Variants in TOP1MT observed in about 807,000 individuals in gnomAD.
TOP1MT encodes the protein DNA topoisomerase I, mitochondrial.
A neutral mutation model predicts 73.9 loss-of-function variants in TOP1MT; 80 were observed. The observed-to-expected ratio is 1.08, with a 90% confidence interval of 0.90 to 1.30. TOP1MT has a LOEUF of 1.30. TOP1MT is among the 50% of genes most tolerant of loss of function. The pLI is 0.00. For missense variants in TOP1MT, 815 were observed against 808.0 expected (o/e 1.01, Z -0.10); for synonymous variants, 338 against 326.4 (o/e 1.04, Z -0.38).
Position 143,334,832 on chromosome 8 carries a change from C to G in TOP1MT, c.30G>C (p.Arg10=), listed in dbSNP as rs769293328. 6.6e-7 allele frequency: 1 copy of G among 1,522,444 alleles called. No homozygotes were observed. The highest frequency in any genetic ancestry group is 2.0e-5 in the Admixed American group (1 of 48,944). 94.3% of individuals were successfully genotyped at this position (1,522,444 alleles called of 1,614,324 possible). Residue 10 remains arginine, a synonymous_variant, in exon 1 of 14, where the codon CGG becomes CGC. Coordinates refer to ENST00000329245, the MANE Select transcript of TOP1MT (RefSeq NM_052963.3). MRVVRLLRL[R]AALTLLGEVP... ...CCTCCCCGAGCAGCGTCAGAGCCGC[C>G]CGGAGCCGCAGCAGCCGCACCACGC...
chr8:143,349,086 C>A (rs1586785082), upstream of TOP1MT, among the ~76,000 whole-genome samples: 3 of 152,168 alleles, frequency 2.0e-5, 1 homozygote, highest in South Asian at 6.2e-4. Flanking sequence ...TTCTCAGCTC[C>A]TCACCACAAA....
chr8:143,310,021 G>GC (rs1815963709), intron 13 of TOP1MT, 47 bp downstream of exon 13: 1 of 1,602,332 alleles, frequency 6.2e-7, no homozygotes, highest in Non-Finnish European at 8.5e-7. Context: ...GAAAACCCAG[G>GC]CCCCCCATAG....
In TOP1MT at chr8:143,309,395, A is replaced by G. The variant is rs546728412; in HGVS notation, c.*46T>C. ...ATTCCCCAGTACTGCTTTAATAGTG[A>G]AAAAAACACACACACATACAAAAGA... On this transcript the variant is annotated 3_prime_UTR_variant, in exon 14 of 14. Coordinates refer to ENST00000329245, the MANE Select transcript of TOP1MT (RefSeq NM_052963.3). The G allele has an allele frequency of 1.5e-5, 24 of 1,590,874 alleles. No individual in the cohort carries two copies. The African/African-American group carries it at 2.7e-4, about 18-fold the overall frequency.
intron 12 of TOP1MT, 132 bp downstream of exon 12, chr8:143,315,595 T>G: frequency 3.0e-6 from 2 of 665,992 alleles, no homozygotes; most frequent in South Asian, 3.8e-5. Context: ...TTGTCTTGTG[T>G]CTTTATTTCT....
chr8:143,328,597 C>T (rs1816765803), intron 3 of TOP1MT, among the ~76,000 whole-genome samples: 1 of 152,260 alleles, frequency 6.6e-6, no homozygotes, highest in South Asian at 2.1e-4. Flanking sequence ...CCAGCAATTT[C>T]ACCCCAAGTC....
intron 1 of TOP1MT, among the ~76,000 whole-genome samples, chr8:143,354,502 C>G (rs1417198740): frequency 6.6e-6 from 1 of 151,942 alleles, no homozygotes; most frequent in Non-Finnish European, 1.5e-5. Flanking sequence ...TACCTGAGGT[C>G]GGGAGTTTGA....
intron 12 of TOP1MT, among the ~76,000 whole-genome samples, chr8:143,311,440 C>G (rs367993568): frequency 6.6e-6 from 1 of 152,128 alleles, no homozygotes; most frequent in South Asian, 2.1e-4. Context: ...GAAGAGAAAA[C>G]TTTTACCCTT....
At chr8:143,353,934 A>T (rs1160456963) in intron 1 of TOP1MT, among the ~76,000 whole-genome samples, 4 of 125,430 alleles carry the variant, frequency 3.2e-5, no homozygotes, top group Admixed American at 1.0e-4. Context: ...ACTGCACTCC[A>T]GCCTGGGCGA....
At chr8:143,324,727 A>T in intron 5 of TOP1MT, 98 bp from the exon 6 acceptor site, 1 of 1,451,016 alleles carries the variant, frequency 6.9e-7, no homozygotes, top group Non-Finnish European at 9.3e-7. Context: ...CGTGGTGGCT[A>T]TGGTGGTGGC....
upstream of TOP1MT, among the ~76,000 whole-genome samples, chr8:143,357,523 C>T (rs1258455172): frequency 6.6e-6 from 1 of 151,320 alleles, no homozygotes. Flanking sequence ...TGATTCACAT[C>T]TGTAATCCCA....
chr8:143,312,452 G>T (rs1816038284), intron 12 of TOP1MT, among the ~76,000 whole-genome samples: 1 of 151,994 alleles, frequency 6.6e-6, no homozygotes, highest in African/African-American at 2.4e-5. Flanking sequence ...TCAATATAAG[G>T]AAGGGACAAA....
At chr8:143,312,697 C>T (rs1007123185) in intron 12 of TOP1MT, among the ~76,000 whole-genome samples, 1 of 152,182 alleles carries the variant, frequency 6.6e-6, no homozygotes, top group Non-Finnish European at 1.5e-5. Context: ...CTGGAGATTC[C>T]TGCCAGGTCC....
intron 8 of TOP1MT, among the ~76,000 whole-genome samples, chr8:143,319,825 T>C (rs1816280140): frequency 6.6e-6 from 1 of 151,692 alleles, no homozygotes; most frequent in South Asian, 2.1e-4. Context: ...TAACCTTTTT[T>C]TTTTTTTAGA....
In TOP1MT at chr8:143,318,029, C is replaced by T. The variant is rs776700897; in HGVS notation, c.1204G>A (p.Asp402Asn). The T allele has an allele frequency of 3.5e-5, 57 of 1,614,026 alleles. 1 individual carries two copies. The highest frequency in any genetic ancestry group is 4.8e-5 in the Non-Finnish European group (57 of 1,180,026). The change falls in exon 9 of 14, where the codon GAC (aspartate) becomes AAC (asparagine). Residue 402 changes from aspartate (D) to asparagine (N), a missense_variant. This residue lies in a region of TOP1MT where 751 missense variants were observed against 725.4 expected (regional missense o/e 1.04). Coordinates refer to ENST00000329245, the MANE Select transcript of TOP1MT (RefSeq NM_052963.3). ...ACGAGCCGGCTTACGGTCAGCCTGT[C>T]GAAGAGGTCGTCCCGGGGGTCCTTG... is the stretch of plus-strand genomic sequence containing the variant. Reference protein sequence around the residue: ...ENKDPRDDLFDRLTTTSLNKH... With the variant: ...ENKDPRDDLFNRLTTTSLNKH...
At chr8:143,351,842 G>C (rs1157703230) in intron 1 of TOP1MT, among the ~76,000 whole-genome samples, 1 of 152,122 alleles carries the variant, frequency 6.6e-6, no homozygotes, top group Admixed American at 6.5e-5. Flanking sequence ...CCAGCACTTC[G>C]GGAGGCCGAG....
chr8:143,334,315 C>G (rs1456369362), intron 1 of TOP1MT: 1 of 156,380 alleles, frequency 6.4e-6, no homozygotes, highest in Non-Finnish European at 1.4e-5. Context: ...AGTGAGCGCC[C>G]GCCGCCATGC....
upstream of TOP1MT, among the ~76,000 whole-genome samples, chr8:143,358,916 T>C (rs1345901175): frequency 6.6e-6 from 1 of 152,242 alleles, no homozygotes; most frequent in Non-Finnish European, 1.5e-5. Context: ...AAGTTTCCAT[T>C]AGCCGGTCTG....
chr8:143,310,927 CCTT>C (rs1327277895), intron 12 of TOP1MT, among the ~76,000 whole-genome samples: 1 of 151,232 alleles, frequency 6.6e-6, no homozygotes, highest in Non-Finnish European at 1.5e-5. Flanking sequence ...CACACACAGT[CCTT>C]CTGGAAATGC....
Position 143,341,749 on chromosome 8 carries a change from G to C in TOP1MT, c.29+1471C>G, listed in dbSNP as rs1817085183. Among the ~76,000 whole-genome samples, 1 of 152,300 alleles carries C rather than the reference G, an allele frequency of 6.6e-6. No individual in the cohort carries two copies. Among genetic ancestry groups the C allele is most frequent in the South Asian group, 2.1e-4 (1 of 4,820 alleles). ...TACTGCCAGCGTCCACCCTGACCCAGACACAAAACACCAGAAAGGGAAGGT... is the reference window on the plus strand; with the variant it reads ...TACTGCCAGCGTCCACCCTGACCCACACACAAAACACCAGAAAGGGAAGGT... On this transcript the variant is annotated intron_variant, in intron 2 of 5. Transcript: ENST00000518007. The surrounding 1 kb of genome is among the most constrained non-coding windows in gnomAD (Gnocchi z 4.1).
Sources: allele counts gnomAD v4.1 joint callset (sites outside exome capture counted in the v4.1 genomes callset), GRCh38; gene constraint gnomAD v4.1.1; regional missense constraint gnomAD v4.1.1; non-coding constraint Gnocchi (gnomAD v3.1); transcripts MANE v1.5; gene names NCBI Gene and HGNC (gene_info 2026-07-23, HGNC 2026-07-21).